Variants in GPC5 observed in about 807,000 individuals in gnomAD.
GPC5 encodes glypican-5.
Under a neutral mutation model 53.9 loss-of-function variants are expected in GPC5, and 47 were observed. That is an observed-to-expected ratio of 0.87 (90% CI 0.69 to 1.11). The LOEUF (loss-of-function observed/expected upper bound fraction) is 1.11, where lower values mean the gene tolerates loss of function less well. Ranked by LOEUF, GPC5 falls within the 50% of genes most tolerant of loss-of-function variation. GPC5 has a pLI of 0.00. For missense variants in GPC5, 748 were observed against 713.1 expected (o/e 1.05, Z -0.56); for synonymous variants, 286 against 263.3 (o/e 1.09, Z -0.84).
intron 2 of GPC5, among the ~76,000 whole-genome samples, chr13:91,572,582 A>T (rs1481924386): frequency 6.6e-6 from 1 of 151,980 alleles, no homozygotes; most frequent in African/African-American, 2.4e-5. Flanking sequence ...CTCTTTAAAC[A>T]ACCAGCTCTC....
At chr13:92,855,966 T>G (rs1399040424) in intron 7 of GPC5, among the ~76,000 whole-genome samples, 1 of 151,916 alleles carries the variant, frequency 6.6e-6, no homozygotes, top group Admixed American at 6.6e-5. Flanking sequence ...CTGAAACTAT[T>G]CCAAAAAAGT....
In GPC5 at chr13:92,292,447, T is replaced by A. The variant is rs192643078; in HGVS notation, c.1561+147458T>A. On this transcript the variant is annotated intron_variant, in intron 7 of 7. Transcript: ENST00000377067. ...ATCATTAGTAATGTTGCGCATTTTT[T>A]CTTACATTTGTTGGCCATTTGTGTA... 4.9e-4 allele frequency among the ~76,000 whole-genome samples: 75 copies of A among 152,342 alleles called. 1 individual carries two copies. Among genetic ancestry groups the A allele is most frequent in the African/African-American group, 1.7e-3 (71 of 41,576 alleles).
chr13:91,938,609 A>G (rs2039893452), intron 6 of GPC5, among the ~76,000 whole-genome samples: 1 of 152,160 alleles, frequency 6.6e-6, no homozygotes, highest in Non-Finnish European at 1.5e-5. Context: ...GCCAATGTTT[A>G]AAGAGCATCC....
chr13:91,954,671 C>T (rs2040057295), intron 6 of GPC5, among the ~76,000 whole-genome samples: 1 of 151,996 alleles, frequency 6.6e-6, no homozygotes, highest in Non-Finnish European at 1.5e-5. Context: ...AAAGATTTCT[C>T]TTGATATTTG....
At chr13:91,661,879 G>A (rs559361850) in intron 2 of GPC5, among the ~76,000 whole-genome samples, 114 of 152,240 alleles carry the variant, frequency 7.5e-4, no homozygotes, top group African/African-American at 2.6e-3. Flanking sequence ...TTTTAAGAAC[G>A]CTATTGTTAC....
intron 7 of GPC5, among the ~76,000 whole-genome samples, chr13:92,835,951 G>T (rs1233661948): frequency 6.6e-6 from 1 of 151,858 alleles, no homozygotes; most frequent in Non-Finnish European, 1.5e-5. Flanking sequence ...GAACATTTTT[G>T]TCATATATAG....
At chr13:92,844,034 T>A (rs1053020108) in intron 7 of GPC5, among the ~76,000 whole-genome samples, 2 of 151,546 alleles carry the variant, frequency 1.3e-5, no homozygotes, top group African/African-American at 4.9e-5. Context: ...AGGTGTCTAC[T>A]CCAACCACCT....
chr13:91,814,378 C>T (rs1299458033), intron 5 of GPC5, among the ~76,000 whole-genome samples: 1 of 152,066 alleles, frequency 6.6e-6, no homozygotes, highest in Non-Finnish European at 1.5e-5. Context: ...CTCCCATTTG[C>T]AGGTTTTGTA....
intron 6 of GPC5, among the ~76,000 whole-genome samples, chr13:92,098,965 T>G (rs1224498553): frequency 6.6e-6 from 1 of 151,872 alleles, no homozygotes; most frequent in Non-Finnish European, 1.5e-5. Context: ...TGCCTTTTTT[T>G]TTTTTTGTCA....
At chr13:92,198,194 T>C (rs989020330) in intron 7 of GPC5, among the ~76,000 whole-genome samples, 1 of 152,198 alleles carries the variant, frequency 6.6e-6, no homozygotes, top group Non-Finnish European at 1.5e-5. Context: ...AATGTCTTGT[T>C]ACATGTTTGT....
chr13:91,995,955 G>C (rs1440839718), intron 6 of GPC5: 1 of 152,156 alleles, frequency 6.6e-6, no homozygotes, highest in Non-Finnish European at 1.5e-5. Flanking sequence ...CCTGCTAGAG[G>C]CTTGCTCTTA....
chr13:91,823,553 A>G (rs1277553002), intron 5 of GPC5, among the ~76,000 whole-genome samples: 1 of 152,106 alleles, frequency 6.6e-6, no homozygotes, highest in Admixed American at 6.6e-5. Context: ...CAGAGCTGCG[A>G]AAAGAACTAG....
At chr13:92,503,169 T>C (rs1356674144) in intron 7 of GPC5, among the ~76,000 whole-genome samples, 1 of 151,972 alleles carries the variant, frequency 6.6e-6, no homozygotes, top group African/African-American at 2.4e-5. Context: ...TGGCTTTTAG[T>C]GTAACTATCA....
chr13:92,035,771 A>AC (rs1439952600), intron 6 of GPC5, among the ~76,000 whole-genome samples: 9 of 151,470 alleles, frequency 5.9e-5, no homozygotes, highest in African/African-American at 2.2e-4. Flanking sequence ...AAAAAAACAA[A>AC]AAAAACAATG....
At chr13:92,566,983 A>C (rs1566297155) in intron 7 of GPC5, among the ~76,000 whole-genome samples, 1 of 152,070 alleles carries the variant, frequency 6.6e-6, no homozygotes, top group Non-Finnish European at 1.5e-5. Flanking sequence ...ATTGACCTTT[A>C]AGGTCTGGTA....
chr13:91,504,091 G>T (rs1884809231), intron 2 of GPC5, among the ~76,000 whole-genome samples: 1 of 151,898 alleles, frequency 6.6e-6, no homozygotes, highest in South Asian at 2.1e-4. Flanking sequence ...TTCTCAATAT[G>T]TTCAAAAGGG....
At chr13:92,578,596 G>A (rs181915289) in intron 7 of GPC5, among the ~76,000 whole-genome samples, 1 of 152,228 alleles carries the variant, frequency 6.6e-6, no homozygotes, top group African/African-American at 2.4e-5. Context: ...GGCTGGAGAA[G>A]CTCCCAACTC....
chr13:91,478,906 C>CATATATATAT (rs1566435822), intron 2 of GPC5, among the ~76,000 whole-genome samples: 2 of 59,966 alleles, frequency 3.3e-5, no homozygotes, highest in African/African-American at 9.5e-5. Flanking sequence ...TATATATGCA[C>CATATATATAT]ATATATATAT....
intron 6 of GPC5, among the ~76,000 whole-genome samples, chr13:92,038,850 A>G (rs987392595): frequency 6.6e-6 from 1 of 152,204 alleles, no homozygotes; most frequent in Non-Finnish European, 1.5e-5. Context: ...AAGCTCTAAC[A>G]TTAAAAAGTA....
Sources: allele counts gnomAD v4.1 joint callset (sites outside exome capture counted in the v4.1 genomes callset), GRCh38; gene constraint gnomAD v4.1.1; transcripts MANE v1.5; gene names NCBI Gene and HGNC (gene_info 2026-07-23, HGNC 2026-07-21).